Variants in TRIM62 observed in about 807,000 individuals in gnomAD.
TRIM62 encodes E3 ubiquitin-protein ligase TRIM62.
Under a neutral mutation model 44.2 loss-of-function variants are expected in TRIM62, and 39 were observed. The ratio of observed to expected loss-of-function variants is 0.88; its 90% CI spans 0.68 to 1.15. The LOEUF (loss-of-function observed/expected upper bound fraction) is 1.15, where lower values mean the gene tolerates loss of function less well. TRIM62 is among the 50% of genes most tolerant of loss of function. The pLI, the probability that TRIM62 is intolerant of heterozygous loss-of-function variation, is 0.00. For missense variants in TRIM62, 544 were observed against 665.5 expected (o/e 0.82, Z 2.01); for synonymous variants, 278 against 292.3 (o/e 0.95, Z 0.50).
intron 3 of TRIM62, among the ~76,000 whole-genome samples, chr1:33,158,916 C>G (rs1645220361): frequency 1.3e-5 from 2 of 152,046 alleles, no homozygotes; most frequent in Admixed American, 1.3e-4. Context: ...TCTCAGCTCA[C>G]TGCAACCTCT....
intron 1 of TRIM62, among the ~76,000 whole-genome samples, chr1:33,175,061 A>G (rs1303097872): frequency 1.3e-5 from 2 of 150,536 alleles, no homozygotes; most frequent in African/African-American, 5.0e-5. Flanking sequence ...TTTTTTTAAG[A>G]TGGAGTCTCA....
chr1:33,175,005 G>T (rs11803151), intron 1 of TRIM62, among the ~76,000 whole-genome samples: 5,701 of 21,890 alleles, frequency 0.26, 243 homozygotes, highest in African/African-American at 0.34. Flanking sequence ...ACACATGTAT[G>T]TATATGTATA....
Position 33,147,896 on chromosome 1 carries a change from AG to A in TRIM62, c.878-170del, listed in dbSNP as rs1645043089. Among the ~76,000 whole-genome samples the A allele has an allele frequency of 6.6e-6, 1 of 152,204 alleles. No individual in the cohort carries two copies. Among genetic ancestry groups the A allele is most frequent in the South Asian group, 2.1e-4 (1 of 4,828 alleles). ...TCTGGGCCTCATCTTCCTCCTCTGT[AG>A]AATGGAAGGGTGGTGGTTAAGGTCC... On this transcript the variant is annotated intron_variant, in intron 4 of 4. Coordinates refer to ENST00000291416, the MANE Select transcript of TRIM62 (RefSeq NM_018207.3). This position sits in a 1 kb window ranked among gnomAD's most constrained non-coding sequence, Gnocchi z 8.1.
At chr1:33,178,585 C>T (rs1182750981) in intron 1 of TRIM62, among the ~76,000 whole-genome samples, 2 of 152,196 alleles carry the variant, frequency 1.3e-5, no homozygotes, top group Admixed American at 6.5e-5. Context: ...TGCCTTTGAA[C>T]CTCAAATAGC....
chr1:33,170,237 C>G (rs1307083473), intron 1 of TRIM62, among the ~76,000 whole-genome samples: 1 of 151,792 alleles, frequency 6.6e-6, no homozygotes, highest in Non-Finnish European at 1.5e-5. Context: ...GGCTGAGGAG[C>G]AAGAATCGCT....
rs1323214643 is a variant in TRIM62 at position 33,146,486 on chromosome 1, G to C, written c.*691C>G. On this transcript the variant is annotated 3_prime_UTR_variant, in exon 5 of 5. Coordinates refer to ENST00000291416, the MANE Select transcript of TRIM62 (RefSeq NM_018207.3). ...GCTAATGGGCTCTGCATCAGCTTTG[G>C]GTATACCCTCACCCTGTCCCTCGGC... is the stretch of plus-strand genomic sequence containing the variant. The C allele has an allele frequency of 6.3e-6, 1 of 159,460 alleles. No individual in the cohort carries two copies. Among genetic ancestry groups the C allele is most frequent in the Non-Finnish European group, 1.4e-5 (1 of 72,170 alleles). 9.9% of individuals were successfully genotyped at this position (159,460 alleles called of 1,614,324 possible).
chr1:33,159,943 G>C lies in TRIM62; in HGVS notation c.506C>G (p.Ser169Cys). 1 of 1,601,214 alleles carries C rather than the reference G, an allele frequency of 6.2e-7. No homozygotes were observed. The highest frequency in any genetic ancestry group is 1.1e-5 in the South Asian group (1 of 91,028). Residue 169 changes from serine to cysteine, a missense_variant and splice_region_variant, in exon 3 of 5, where the codon TCT (serine) becomes TGT (cysteine). Ser to Cys is a moderately radical substitution (Grantham distance 112). Transcript: ENST00000291416. The surrounding 1 kb of genome is among the most constrained non-coding windows in gnomAD (Gnocchi z 4.2). Reference sequence around the variant, plus strand: ...AGTGGTCCGCAGGCTCTTGGTGGAAGACTGTGGGGGACAGTCGTCAGGGGT... The same window carrying C: ...AGTGGTCCGCAGGCTCTTGGTGGAACACTGTGGGGGACAGTCGTCAGGGGT... ...LLKRQLAETK[S>C]STKSLRTTIG...
Position 33,147,652 on chromosome 1 carries a change from G to A in TRIM62, c.953C>T (p.Ala318Val), listed in dbSNP as rs1557747770. The change falls in exon 5 of 5, where the codon GCT (alanine) becomes GTT (valine). Residue 318 changes from alanine to valine, a missense_variant. Ala to Val is a moderately conservative substitution (Grantham distance 64). Coordinates refer to ENST00000291416, the MANE Select transcript of TRIM62 (RefSeq NM_018207.3). This position sits in a 1 kb window ranked among gnomAD's most constrained non-coding sequence, Gnocchi z 8.1. ...LILSDDCTIV[A>V]YGNLHPQPLQ... is the part of the protein sequence containing the mutation. ...TGGCTGTGGGTGCAAGTTGCCGTAA[G>A]CCACAATGGTGCAGTCGTCCGACAG... The A allele has an allele frequency of 6.2e-7, 1 of 1,613,958 alleles. No homozygotes were observed.
At position 33,177,668 on chromosome 1, in the gene TRIM62, C is replaced by T. The variant is rs564670832; in HGVS notation, c.408+3357G>A. On this transcript the variant is annotated intron_variant, in intron 1 of 4. Coordinates refer to ENST00000291416, the MANE Select transcript of TRIM62 (RefSeq NM_018207.3). The surrounding 1 kb of genome is among the most constrained non-coding windows in gnomAD (Gnocchi z 4.1). ...AGATGGTTTTGATTGTCACAACTTG[C>T]GGGGTGGGTGGAGTTTGCTACTGGC... Among the ~76,000 whole-genome samples, 92 of 152,164 alleles carry T rather than the reference C, an allele frequency of 6.0e-4. No homozygotes were observed. The highest frequency in any genetic ancestry group is 1.4e-3 in the Admixed American group (21 of 15,284).
At position 33,159,668 on chromosome 1, in the gene TRIM62, C is replaced by T; in HGVS notation, c.761+20G>A. The T allele has an allele frequency of 5.0e-6, 8 of 1,592,052 alleles. No homozygotes were observed. Among genetic ancestry groups the T allele is most frequent in the Non-Finnish European group, 6.8e-6 (8 of 1,169,714 alleles). On this transcript the variant is annotated intron_variant, in intron 3 of 4. Transcript: ENST00000291416. The surrounding 1 kb of genome is among the most constrained non-coding windows in gnomAD (Gnocchi z 4.2). ...GGAGGGGATGGTCAGCCGGGGAGGGCCCCGGCGGGTGGCACTTACCGCTCG... is the reference window on the plus strand; with the variant it reads ...GGAGGGGATGGTCAGCCGGGGAGGGTCCCGGCGGGTGGCACTTACCGCTCG...
chr1:33,173,540 C>T (rs568022086), intron 1 of TRIM62, among the ~76,000 whole-genome samples: 4 of 152,280 alleles, frequency 2.6e-5, no homozygotes, highest in Non-Finnish European at 2.9e-5. Flanking sequence ...CCACACCCTC[C>T]CCTCTAGCCA....
chr1:33,166,998 C>A (rs984838081), intron 1 of TRIM62, among the ~76,000 whole-genome samples: 1 of 152,206 alleles, frequency 6.6e-6, no homozygotes, highest in African/African-American at 2.4e-5. Flanking sequence ...AACACCCTCC[C>A]CCATCACTCC....
chr1:33,156,415 C>T (rs542757602), intron 4 of TRIM62, among the ~76,000 whole-genome samples: 30 of 152,332 alleles, frequency 2.0e-4, no homozygotes, highest in African/African-American at 6.5e-4. Flanking sequence ...ATAGTCTCTT[C>T]TGGGTTCTCC....
intron 4 of TRIM62, among the ~76,000 whole-genome samples, chr1:33,152,780 C>A (rs1217122763): frequency 6.6e-6 from 1 of 152,074 alleles, no homozygotes; most frequent in East Asian, 1.9e-4. Flanking sequence ...GAGTGCATTG[C>A]TCTGGGTCAC....
At chr1:33,152,612 T>C (rs1645117259) in intron 4 of TRIM62, among the ~76,000 whole-genome samples, 1 of 150,114 alleles carries the variant, frequency 6.7e-6, no homozygotes, top group Non-Finnish European at 1.5e-5. Context: ...CATCTGTCGA[T>C]TCATGATGAT....
intron 1 of TRIM62, among the ~76,000 whole-genome samples, chr1:33,172,837 AG>A (rs1645384716): frequency 6.6e-6 from 1 of 152,198 alleles, no homozygotes; most frequent in South Asian, 2.1e-4. Context: ...CTCTGGCTTC[AG>A]GGACTCTTCA....
At chr1:33,153,982 T>A (rs926813720) in intron 4 of TRIM62, among the ~76,000 whole-genome samples, 8 of 152,200 alleles carry the variant, frequency 5.3e-5, no homozygotes, top group Non-Finnish European at 1.0e-4. Flanking sequence ...CCAGGTTGCC[T>A]TGAGAAATCC....
rs1222892965 is a variant in TRIM62, at chr1:33,145,840, C to T, written c.*1337G>A. ...AGAAAAACGCAGGTGGGGCTTGCTC[C>T]ACCCACCCTAACTTCCTTCTAGGGA... On this transcript the variant is annotated 3_prime_UTR_variant, in exon 5 of 5. Coordinates refer to ENST00000291416, the MANE Select transcript of TRIM62 (RefSeq NM_018207.3). 2.1e-6 allele frequency: 1 copy of T among 470,880 alleles called. No individual in the cohort carries two copies. Among genetic ancestry groups the T allele is most frequent in the Non-Finnish European group, 4.4e-6 (1 of 226,894 alleles). 29.2% of individuals were successfully genotyped at this position (470,880 alleles called of 1,614,324 possible). A position where few individuals can be genotyped will look rare whatever the true frequency, so the allele number is the denominator to read the frequency against.
Position 33,179,004 on chromosome 1 carries a change from G to A in TRIM62, c.408+2021C>T, listed in dbSNP as rs144567865. 1.3e-3 allele frequency among the ~76,000 whole-genome samples: 202 copies of A among 152,320 alleles called. 2 individuals carry two copies. Among genetic ancestry groups the A allele is most frequent in the African/African-American group, 4.6e-3 (193 of 41,576 alleles). ...GATCAGAGAAGAGGGATCTGGGTCA[G>A]GCTGTGCCCTATAGCCCTGGCTCTC... On this transcript the variant is annotated intron_variant, in intron 1 of 4. Transcript: ENST00000291416.
Sources: gnomAD v4.1 joint callset for allele counts (sites outside exome capture counted in the v4.1 genomes callset) on GRCh38, gnomAD v4.1.1 for gene constraint, Gnocchi (gnomAD v3.1) non-coding constraint, MANE v1.5 for transcripts, NCBI Gene and HGNC (gene_info 2026-07-23, HGNC 2026-07-21) for gene names.